ERN1: variants seen among roughly 807,000 people sequenced by gnomAD.
ERN1 encodes the protein serine/threonine-protein kinase/endoribonuclease IRE1.
ERN1 carries 39 observed loss-of-function variants against 113.1 expected under a neutral mutation model. That is an observed-to-expected ratio of 0.34 (90% CI 0.27 to 0.45). The LOEUF is 0.45. ERN1 is among the 20% of genes least tolerant of loss of function. The pLI, the probability that ERN1 is intolerant of heterozygous loss-of-function variation, is 1.00. For missense variants in ERN1, 976 were observed against 1,274.8 expected (o/e 0.77, Z 3.57); for synonymous variants, 507 against 515.9 (o/e 0.98, Z 0.23).
chr17:64,078,284 G>A (rs1567872416), intron 4 of ERN1, among the ~76,000 whole-genome samples: 2 of 152,128 alleles, frequency 1.3e-5, no homozygotes, highest in Non-Finnish European at 2.9e-5. Context: ...CTAATAAAAT[G>A]GAACATCTTT....
chr17:64,050,831 G>A (rs1018712379), intron 17 of ERN1, among the ~76,000 whole-genome samples: 12 of 152,238 alleles, frequency 7.9e-5, no homozygotes, highest in Non-Finnish European at 1.3e-4. Context: ...ATGATTCTTC[G>A]CTGTAACTGA....
At chr17:64,089,318 C>CAAAAAA (rs34094164) in intron 2 of ERN1, among the ~76,000 whole-genome samples, 2 of 24,236 alleles carry the variant, frequency 8.3e-5, no homozygotes, top group Non-Finnish European at 2.2e-4. Flanking sequence ...GAATCCATCT[C>CAAAAAA]AAAAAAAAAA....
At chr17:64,110,328 C>T (rs1473490832) in intron 1 of ERN1, among the ~76,000 whole-genome samples, 2 of 152,138 alleles carry the variant, frequency 1.3e-5, no homozygotes, top group Admixed American at 1.3e-4. Context: ...ATATCCATTA[C>T]CTTACATACT....
chr17:64,093,873 C>T (rs1384254710), intron 2 of ERN1, among the ~76,000 whole-genome samples: 1 of 152,220 alleles, frequency 6.6e-6, no homozygotes, highest in African/African-American at 2.4e-5. Context: ...AGGCCCTACA[C>T]CAGTGGTATC....
chr17:64,079,544 C>T (rs1243425177), intron 4 of ERN1, 118 bp downstream of exon 4: 1 of 724,016 alleles, frequency 1.4e-6, no homozygotes, highest in Non-Finnish European at 2.4e-6. Flanking sequence ...GAATCAGAAT[C>T]CCCAGGGGTT....
At chr17:64,117,951 C>T (rs1303420875) in intron 1 of ERN1, among the ~76,000 whole-genome samples, 4 of 152,204 alleles carry the variant, frequency 2.6e-5, no homozygotes, top group Non-Finnish European at 1.5e-5. Context: ...GCATCTCAAA[C>T]AGTGCTTGGC....
In ERN1 at chr17:64,064,060, G is replaced by T. The variant is rs756482275; in HGVS notation, c.1013C>A (p.Thr338Lys). Residue 338 changes from threonine to lysine, a missense_variant, in exon 10 of 22, where the codon ACG (threonine) becomes AAG (lysine). By Grantham distance (78) the Thr-to-Lys change is moderately conservative. This residue lies in a region of ERN1 where 459 missense variants were observed against 581.2 expected (regional missense o/e 0.79). Coordinates refer to ENST00000433197, the MANE Select transcript of ERN1 (RefSeq NM_001433.5). ...DKGECVITPS[T>K]DVKFDPGLKS... Reference sequence around the variant, plus strand: ...GAGTCCGGGATCAAACTTGACGTCCGTGCTGGGCGTGATCACACACTCCCC... The same window carrying T: ...GAGTCCGGGATCAAACTTGACGTCCTTGCTGGGCGTGATCACACACTCCCC... 6.2e-7 allele frequency: 1 copy of T among 1,613,768 alleles called. No individual in the cohort carries two copies.
intron 5 of ERN1, among the ~76,000 whole-genome samples, chr17:64,072,841 T>A (rs554628184): frequency 6.6e-5 from 10 of 152,270 alleles, no homozygotes; most frequent in African/African-American, 2.4e-4. Flanking sequence ...GGGCCTCCAA[T>A]GTGAAGGTCA....
intron 2 of ERN1, chr17:64,097,826 A>G (rs1489316704): frequency 3.5e-6 from 1 of 285,438 alleles, no homozygotes; most frequent in East Asian, 7.1e-5. Context: ...CTTCATAAAG[A>G]CCAACTAGCT....
chr17:64,099,784 G>A (rs906982768), intron 1 of ERN1, among the ~76,000 whole-genome samples: 1 of 152,120 alleles, frequency 6.6e-6, no homozygotes, highest in Non-Finnish European at 1.5e-5. Context: ...CTGGGGTCCC[G>A]TATTCCTTTT....
chr17:64,053,145 T>C (rs2143333532), intron 16 of ERN1, 127 bp downstream of exon 16: 2 of 920,532 alleles, frequency 2.2e-6, no homozygotes, highest in Non-Finnish European at 3.2e-6. Flanking sequence ...ACCACTCATC[T>C]TTGCTACTGG....
intron 5 of ERN1, among the ~76,000 whole-genome samples, chr17:64,073,738 G>A (rs993512907): frequency 3.3e-5 from 5 of 151,874 alleles, no homozygotes; most frequent in Admixed American, 1.3e-4. Context: ...TGATCTGCCC[G>A]CCTCAGCCTC....
intron 5 of ERN1, among the ~76,000 whole-genome samples, chr17:64,073,350 T>TTC (rs939504723): frequency 1.2e-4 from 17 of 147,364 alleles, no homozygotes; most frequent in Non-Finnish European, 2.6e-4. Context: ...TTTTTTTTTT[T>TTC]TTTTTTAGTA....
In ERN1 at chr17:64,068,252, A is replaced by G. The variant is rs935430181; in HGVS notation, c.518T>C (p.Leu173Pro). 4 of 1,612,886 alleles carry G rather than the reference A, an allele frequency of 2.5e-6. No homozygotes were observed. In the African/African-American group the frequency reaches 4.0e-5, roughly 16 times the overall value. Residue 173 changes from leucine to proline, a missense_variant, in exon 7 of 22, where the codon CTC (leucine) becomes CCC (proline). By Grantham distance (98) the Leu-to-Pro change is moderately conservative (BLOSUM62 -3). Around this residue, in one of 5 missense-constraint regions of ERN1, gnomAD observed 459 missense variants for 581.2 expected, o/e 0.79. Coordinates refer to ENST00000433197, the MANE Select transcript of ERN1 (RefSeq NM_001433.5). The stretch of plus-strand genomic sequence containing the variant: ...GTCAAAGTAGGTGGCATTCCACCGG[A>G]GCTCTCGGGTTTTGGTGTCGTACAT... ...ITMYDTKTRELRWNATYFDYA... is the reference protein window; with the variant it reads ...ITMYDTKTREPRWNATYFDYA...
chr17:64,042,469 T>C lies in ERN1; in HGVS notation c.*1519A>G, dbSNP rs1912370947. 6.6e-6 allele frequency: 1 copy of C among 152,204 alleles called. No homozygotes were observed. The highest frequency in any genetic ancestry group is 1.5e-5 in the Non-Finnish European group (1 of 68,044). 9.4% of individuals were successfully genotyped at this position (152,204 alleles called of 1,614,324 possible). ...ACATGAAGAAACAGTGATTTCTCTGTGAGTAAAATTCAACAATCCCATTCT... is the reference window on the plus strand; with the variant it reads ...ACATGAAGAAACAGTGATTTCTCTGCGAGTAAAATTCAACAATCCCATTCT... On this transcript the variant is annotated 3_prime_UTR_variant, in exon 22 of 22. Transcript: ENST00000433197.
intron 2 of ERN1, among the ~76,000 whole-genome samples, chr17:64,092,941 A>C (rs150756906): frequency 1.3e-5 from 2 of 152,340 alleles, no homozygotes; most frequent in East Asian, 3.9e-4. Context: ...AAGACAGACT[A>C]CAGCTACAAA....
chr17:64,054,448 T>C lies in ERN1; in HGVS notation c.1764-9A>G, dbSNP rs1425970364. On this transcript the variant is annotated splice_polypyrimidine_tract_variant and intron_variant, in intron 14 of 21. Transcript: ENST00000433197. This position sits in a 1 kb window ranked among gnomAD's most constrained non-coding sequence, Gnocchi z 4.9. ...GGTTGTCAAACATGCCCCTGCGGGATGAGGAGTGGGAGTTGTGTCTGGGAA... is the reference window on the plus strand; with the variant it reads ...GGTTGTCAAACATGCCCCTGCGGGACGAGGAGTGGGAGTTGTGTCTGGGAA... 6.4e-7 allele frequency: 1 copy of C among 1,552,024 alleles called. No individual in the cohort carries two copies. The highest frequency in any genetic ancestry group is 2.0e-5 in the Admixed American group (1 of 51,128).
In ERN1 at chr17:64,042,555, T is replaced by C. The variant is rs1048746980; in HGVS notation, c.*1433A>G. 6.6e-6 allele frequency: 1 copy of C among 152,218 alleles called. No homozygotes were observed. Among genetic ancestry groups the C allele is most frequent in the African/African-American group, 2.4e-5 (1 of 41,450 alleles). 9.4% of individuals were successfully genotyped at this position (152,218 alleles called of 1,614,324 possible). On this transcript the variant is annotated 3_prime_UTR_variant, in exon 22 of 22. Transcript: ENST00000433197. ...GAGCTGCAATGATCCCCCAACTGGC[T>C]GGAGAAAGTACATGGACAACATCTC...
At position 64,055,889 on chromosome 17, in the gene ERN1, G is replaced by T; in HGVS notation, c.1458C>A (p.Ile486=). ...GCTGCTGCTGCTGCTGCAGGAGCTGGATCTTCTCCAGTTCCTTCTGGAACT... is the reference window on the plus strand; with the variant it reads ...GCTGCTGCTGCTGCTGCAGGAGCTGTATCTTCTCCAGTTCCTTCTGGAACT... ...HQQFQKELEK[I]QLLQQQQQQL... Residue 486 remains isoleucine, a synonymous_variant, in exon 13 of 22, where the codon ATC becomes ATA. Transcript: ENST00000433197. The T allele has an allele frequency of 2.6e-6, 4 of 1,550,828 alleles. No individual in the cohort carries two copies. The highest frequency in any genetic ancestry group is 3.5e-6 in the Non-Finnish European group (4 of 1,146,714).
Sources: allele counts gnomAD v4.1 joint callset (sites outside exome capture counted in the v4.1 genomes callset), GRCh38; gene constraint gnomAD v4.1.1; regional missense constraint gnomAD v4.1.1; non-coding constraint Gnocchi (gnomAD v3.1); transcripts MANE v1.5; gene names NCBI Gene and HGNC (gene_info 2026-07-23, HGNC 2026-07-21).